PANK3: variants seen among roughly 807,000 people sequenced by gnomAD.
PANK3 encodes pantothenate kinase 3, also known as hPanK3.
Under a neutral mutation model 39.4 loss-of-function variants are expected in PANK3, and 20 were observed. The ratio of observed to expected loss-of-function variants is 0.51; its 90% CI spans 0.36 to 0.74. The LOEUF (loss-of-function observed/expected upper bound fraction) is 0.74. Among genes scored for constraint, PANK3 ranks in the 30% least tolerant of loss-of-function variants. The probability of loss-of-function intolerance (pLI) is 0.00; values close to 1 mark genes in which losing one functional copy is unlikely to be tolerated. For synonymous variants in PANK3, 140 were observed against 157.3 expected (o/e 0.89, Z 0.82); for missense variants, 265 against 437.0 (o/e 0.61, Z 3.51).
chr5:168,577,992 GAAC>G (rs1759754606), intron 1 of PANK3, among the ~76,000 whole-genome samples: 1 of 152,068 alleles, frequency 6.6e-6, no homozygotes, highest in African/African-American at 2.4e-5. Flanking sequence ...TAGATTTCTT[GAAC>G]AACTATGACA....
chr5:168,566,393 T>C (rs779595831), intron 2 of PANK3, 127 bp from the exon 3 acceptor site: 421 of 1,059,286 alleles, frequency 4.0e-4, no homozygotes, highest in Non-Finnish European at 5.2e-4. Context: ...TTTTGTTTCA[T>C]GTCAGAATCT....
In PANK3 at chr5:168,566,120, A is replaced by T; in HGVS notation, c.528T>A (p.Pro176=). ...ASEPERCQKM[P]FNLDDPYPLL... is the part of the protein sequence containing the mutation. Reference sequence around the variant, plus strand: ...GTGGATAGGGATCATCCAGGTTAAAAGGCATCTTTTGGCATCGCTCAGGTT... The same window carrying T: ...GTGGATAGGGATCATCCAGGTTAAATGGCATCTTTTGGCATCGCTCAGGTT... Residue 176 remains proline, a synonymous_variant, in exon 3 of 7, where the codon CCT becomes CCA. Transcript: ENST00000239231. 1 of 1,613,942 alleles carries T rather than the reference A, an allele frequency of 6.2e-7. No homozygotes were observed. The highest frequency in any genetic ancestry group is 8.5e-7 in the Non-Finnish European group (1 of 1,179,986).
chr5:168,558,837 T>C (rs1272888472), intron 6 of PANK3, among the ~76,000 whole-genome samples, 195 bp downstream of exon 6: 1 of 152,082 alleles, frequency 6.6e-6, no homozygotes, highest in East Asian at 1.9e-4. Flanking sequence ...AAAAATAAAT[T>C]TTCTGGGCAC....
intron 1 of PANK3, among the ~76,000 whole-genome samples, chr5:168,570,555 A>G (rs531167332): frequency 9.2e-5 from 14 of 152,268 alleles, no homozygotes; most frequent in South Asian, 4.1e-4. Flanking sequence ...AAAATTTTAT[A>G]TAAGTATAGA....
At chr5:168,559,653 T>C (rs1392082294) in intron 5 of PANK3, among the ~76,000 whole-genome samples, 1 of 152,104 alleles carries the variant, frequency 6.6e-6, no homozygotes, top group East Asian at 1.9e-4. Flanking sequence ...GGCCAATAAA[T>C]AGCCCCCTTA....
Position 168,548,849 on chromosome 5 carries a change from C to T in PANK3, c.*8722G>A, listed in dbSNP as rs1273556253. On this transcript the variant is annotated 3_prime_UTR_variant, in exon 7 of 7. Coordinates refer to ENST00000239231, the MANE Select transcript of PANK3 (RefSeq NM_024594.4). ...AGTTTATTATGAATAAAATTTATGGCACATCATACATTTTTACATCACAGA... is the reference window on the plus strand; with the variant it reads ...AGTTTATTATGAATAAAATTTATGGTACATCATACATTTTTACATCACAGA... The T allele has an allele frequency of 3.9e-5, 6 of 152,086 alleles. No homozygotes were observed. Among genetic ancestry groups the T allele is most frequent in the Non-Finnish European group, 7.4e-5 (5 of 68,006 alleles). The allele number at this position is 152,086 out of a possible 1,614,324, so 9.4% of individuals were successfully genotyped here. A position where few individuals can be genotyped will look rare whatever the true frequency, so the allele number is the denominator to read the frequency against.
At chr5:168,571,474 T>C (rs1223119646) in intron 1 of PANK3, among the ~76,000 whole-genome samples, 2 of 152,190 alleles carry the variant, frequency 1.3e-5, no homozygotes, top group Non-Finnish European at 2.9e-5. Context: ...TAAGTGACAG[T>C]GCCAAGATTC....
intron 3 of PANK3, among the ~76,000 whole-genome samples, 156 bp downstream of exon 3, chr5:168,565,857 T>TAAA (rs33910263): frequency 0.01 from 1,064 of 104,168 alleles, 37 homozygotes; most frequent in African/African-American, 0.036. Context: ...CTCTTTCACT[T>TAAA]AAAAAAAAAA....
chr5:168,566,359 T>C, intron 2 of PANK3, 93 bp from the exon 3 acceptor site: 4 of 1,357,648 alleles, frequency 2.9e-6, no homozygotes, highest in South Asian at 2.9e-5. Flanking sequence ...AAATTAAAAA[T>C]GGTCTATGAC....
Position 168,553,489 on chromosome 5 carries a change from CAT to C in PANK3, c.*4080_*4081del, listed in dbSNP as rs1759303147. ...AAGAGTGCAACAGAAAGGAGCCAAT[CAT>C]ATCACCATTGGGGAAGATGGCCACA... On this transcript the variant is annotated 3_prime_UTR_variant, in exon 7 of 7. Coordinates refer to ENST00000239231, the MANE Select transcript of PANK3 (RefSeq NM_024594.4). The C allele has an allele frequency of 5.4e-6, 2 of 369,106 alleles. No individual in the cohort carries two copies. The highest frequency in any genetic ancestry group is 1.1e-5 in the Non-Finnish European group (2 of 185,712). The allele number at this position is 369,106 out of a possible 1,614,324, so 22.9% of individuals were successfully genotyped here.
chr5:168,559,263 A>C, intron 5 of PANK3, 106 bp from the exon 6 acceptor site: 1 of 764,620 alleles, frequency 1.3e-6, no homozygotes, highest in Non-Finnish European at 1.9e-6. Context: ...AAAAAAACAC[A>C]ACTACGCTTT....
chr5:168,570,459 A>G (rs1759611033), intron 1 of PANK3, among the ~76,000 whole-genome samples: 1 of 152,078 alleles, frequency 6.6e-6, no homozygotes, highest in African/African-American at 2.4e-5. Context: ...ACAGGAATGC[A>G]TATGAATAAA....
In PANK3 at chr5:168,552,883, C is replaced by A; in HGVS notation, c.*4688G>T. The A allele has an allele frequency of 5.1e-6, 1 of 196,850 alleles. No individual in the cohort carries two copies. The highest frequency in any genetic ancestry group is 1.1e-4 in the South Asian group (1 of 9,138). The allele number at this position is 196,850 out of a possible 1,614,324, so 12.2% of individuals were successfully genotyped here. ...TGAGTAATAGAAGACAACATTGATT[C>A]CAGAGAGCTACTGAGAGAGCTGGAG... On this transcript the variant is annotated 3_prime_UTR_variant, in exon 7 of 7. Coordinates refer to ENST00000239231, the MANE Select transcript of PANK3 (RefSeq NM_024594.4).
At chr5:168,557,709 A>G in intron 6 of PANK3, 88 bp from the exon 7 acceptor site, 1 of 1,036,184 alleles carries the variant, frequency 9.7e-7, no homozygotes, top group Non-Finnish European at 1.4e-6. Flanking sequence ...ACTATGCACA[A>G]TCTATTTGTT....
intron 3 of PANK3, among the ~76,000 whole-genome samples, chr5:168,565,011 T>C (rs960112981): frequency 2.0e-5 from 3 of 152,236 alleles, no homozygotes; most frequent in African/African-American, 7.2e-5. Flanking sequence ...TAGCAAGTTC[T>C]ACCCCTGAAT....
At chr5:168,560,135 C>T (rs1759423910) in intron 5 of PANK3, among the ~76,000 whole-genome samples, 1 of 152,120 alleles carries the variant, frequency 6.6e-6, no homozygotes, top group Non-Finnish European at 1.5e-5. Flanking sequence ...ACATAAAGGG[C>T]TAAGAATAAA....
intron 1 of PANK3, among the ~76,000 whole-genome samples, chr5:168,572,775 C>T (rs987220975): frequency 6.6e-6 from 1 of 152,018 alleles, no homozygotes; most frequent in African/African-American, 2.4e-5. Context: ...TAATAAGAAA[C>T]TCAAAACAAA....
intron 2 of PANK3, among the ~76,000 whole-genome samples, chr5:168,566,839 G>A (rs1297381340): frequency 6.6e-6 from 1 of 152,140 alleles, no homozygotes; most frequent in Non-Finnish European, 1.5e-5. Flanking sequence ...CACCTCGTGG[G>A]TTCAAGCGAT....
intron 4 of PANK3, among the ~76,000 whole-genome samples, chr5:168,561,727 A>T (rs929582484): frequency 6.6e-6 from 1 of 152,222 alleles, no homozygotes; most frequent in African/African-American, 2.4e-5. Flanking sequence ...GACATCTCAA[A>T]AAAAGCATAG....
Sources: allele counts gnomAD v4.1 joint callset (sites outside exome capture counted in the v4.1 genomes callset), GRCh38; gene constraint gnomAD v4.1.1; transcripts MANE v1.5; gene names NCBI Gene and HGNC (gene_info 2026-07-23, HGNC 2026-07-21).